SYTL2: variants seen among roughly 807,000 people sequenced by gnomAD.
SYTL2 encodes synaptotagmin-like protein 2.
In SYTL2, 165 loss-of-function variants were observed where a neutral mutation model predicts 198.7. The observed-to-expected ratio is 0.83, with a 90% CI of 0.73 to 0.94. SYTL2 has a LOEUF of 0.94. Among genes scored for constraint, SYTL2 ranks in the 40% least tolerant of loss-of-function variants. The pLI, the probability that SYTL2 is intolerant of heterozygous loss-of-function variation, is 0.00. For missense variants in SYTL2, 2,835 were observed against 2,582.8 expected, an observed-to-expected ratio of 1.10 and a Z score of -2.12; for synonymous variants, 966 against 917.7, an observed-to-expected ratio of 1.05 and a Z score of -0.95.
intron 1 of SYTL2, among the ~76,000 whole-genome samples, chr11:85,789,364 A>G (rs868309810): frequency 0.033 from 1,924 of 58,362 alleles, 110 homozygotes; most frequent in African/African-American, 0.12. Context: ...ATATATATAT[A>G]TATATATATA....
At chr11:85,830,930 G>A in the SYTL2 span, among the ~76,000 whole-genome samples, 303 of 152,200 alleles carry the variant, frequency 2.0e-3, 1 homozygote, top group African/African-American at 7.0e-3. Context: ...CAGCTTTGGG[G>A]CAACAAAAAC....
intron 12 of SYTL2, among the ~76,000 whole-genome samples, chr11:85,712,242 T>C (rs1211830613): frequency 1.3e-5 from 2 of 152,212 alleles, no homozygotes; most frequent in Non-Finnish European, 2.9e-5. Flanking sequence ...TGGATAAGAA[T>C]CCTTTCTCAA....
intron 1 of SYTL2, among the ~76,000 whole-genome samples, chr11:85,790,936 G>A (rs1426751267): frequency 7.9e-5 from 12 of 152,060 alleles, no homozygotes; most frequent in Non-Finnish European, 1.3e-4. Flanking sequence ...GGCTGAGGCA[G>A]GTAGATCACC....
chr11:85,813,536 A>C (rs1452198982), upstream of SYTL2, among the ~76,000 whole-genome samples: 1 of 152,220 alleles, frequency 6.6e-6, no homozygotes, highest in Non-Finnish European at 1.5e-5. Context: ...TTCTAGGTTG[A>C]CATTGAAGGG....
chr11:85,834,080 T>C, the SYTL2 span, among the ~76,000 whole-genome samples: 1 of 152,008 alleles, frequency 6.6e-6, no homozygotes, highest in Non-Finnish European at 1.5e-5. Flanking sequence ...TCAATGAACA[T>C]GAACTTGCAA....
chr11:85,841,354 A>G, the SYTL2 span, among the ~76,000 whole-genome samples: 5 of 152,362 alleles, frequency 3.3e-5, no homozygotes, highest in Non-Finnish European at 7.3e-5. Context: ...GTCCTACTAC[A>G]AAGACACATG....
the SYTL2 span, among the ~76,000 whole-genome samples, chr11:85,824,898 G>A: frequency 2.0e-5 from 3 of 152,162 alleles, no homozygotes; most frequent in Non-Finnish European, 4.4e-5. Flanking sequence ...CTAGAGCGCT[G>A]GCAGAGAGAC....
chr11:85,779,909 C>G (rs1488257711), intron 1 of SYTL2, among the ~76,000 whole-genome samples: 1 of 152,192 alleles, frequency 6.6e-6, no homozygotes, highest in Non-Finnish European at 1.5e-5. Context: ...TAGGCAAGGT[C>G]AACTTTGCTC....
the SYTL2 span, among the ~76,000 whole-genome samples, chr11:85,824,966 C>A: frequency 6.6e-6 from 1 of 152,222 alleles, no homozygotes; most frequent in African/African-American, 2.4e-5. Context: ...CTAGCTGCTA[C>A]GTCCATCCCT....
chr11:85,817,507 T>G, the SYTL2 span, among the ~76,000 whole-genome samples: 1 of 152,258 alleles, frequency 6.6e-6, no homozygotes, highest in African/African-American at 2.4e-5. Flanking sequence ...TAATTTCATC[T>G]GTTTATTTTT....
chr11:85,768,354 A>C (rs543579975), intron 1 of SYTL2, among the ~76,000 whole-genome samples: 1 of 152,228 alleles, frequency 6.6e-6, no homozygotes, highest in African/African-American at 2.4e-5. Flanking sequence ...TGGAGTCAAA[A>C]GATAATTGAA....
the SYTL2 span, among the ~76,000 whole-genome samples, chr11:85,828,621 C>T: frequency 1.1e-4 from 16 of 152,318 alleles, no homozygotes; most frequent in East Asian, 2.7e-3. Flanking sequence ...CCACAATAAT[C>T]CCTTTCAACT....
the SYTL2 span, among the ~76,000 whole-genome samples, chr11:85,847,577 T>C: frequency 6.6e-6 from 1 of 152,186 alleles, no homozygotes; most frequent in Admixed American, 6.5e-5. Flanking sequence ...CACAATTTTG[T>C]TTTTCCATCA....
intron 1 of SYTL2, among the ~76,000 whole-genome samples, chr11:85,778,015 C>A (rs1052497196): frequency 2.6e-5 from 4 of 151,860 alleles, no homozygotes; most frequent in Non-Finnish European, 1.5e-5. Context: ...GATGGGGTTT[C>A]ACCACGTTGG....
chr11:85,818,966 C>T, the SYTL2 span, among the ~76,000 whole-genome samples: 2 of 152,164 alleles, frequency 1.3e-5, no homozygotes, highest in Non-Finnish European at 2.9e-5. Context: ...TTTAACCTCT[C>T]CTGCCTCGGT....
chr11:85,833,157 A>AGG, the SYTL2 span, among the ~76,000 whole-genome samples: 305 of 90,472 alleles, frequency 3.4e-3, 32 homozygotes, highest in East Asian at 7.8e-3. Context: ...GAAGGAAGGA[A>AGG]AGAAAGAAAG....
At chr11:85,772,644 T>C (rs747142254) in intron 1 of SYTL2, among the ~76,000 whole-genome samples, 1 of 152,230 alleles carries the variant, frequency 6.6e-6, no homozygotes, top group Non-Finnish European at 1.5e-5. Context: ...GATATCAAAA[T>C]GGGCAGCAAC....
At chr11:85,833,519 A>G in the SYTL2 span, among the ~76,000 whole-genome samples, 185 of 151,394 alleles carry the variant, frequency 1.2e-3, no homozygotes, top group African/African-American at 4.3e-3. Context: ...CGGGAAAGCC[A>G]TTTGGACACT....
At chr11:85,849,584 A>G in the SYTL2 span, among the ~76,000 whole-genome samples, 1 of 151,652 alleles carries the variant, frequency 6.6e-6, no homozygotes, top group Non-Finnish European at 1.5e-5. Context: ...TTTGTCAAAG[A>G]TCAGATAGTT....
Sources: gnomAD v4.1 joint callset for allele counts (sites outside exome capture counted in the v4.1 genomes callset) on GRCh38, gnomAD v4.1.1 for gene constraint, MANE v1.5 for transcripts, NCBI Gene and HGNC (gene_info 2026-07-23, HGNC 2026-07-21) for gene names.